POLR1A: variants seen among roughly 807,000 people sequenced by gnomAD.
POLR1A encodes the protein DNA-directed RNA polymerase I subunit RPA1.
Under a neutral mutation model 205.3 loss-of-function variants are expected in POLR1A, and 84 were observed. The observed-to-expected ratio is 0.41, with a 90% CI of 0.34 to 0.49. The LOEUF (loss-of-function observed/expected upper bound fraction) is 0.49, where lower values mean the gene tolerates loss of function less well. Ranked by LOEUF, POLR1A falls within the 20% of genes least tolerant of loss-of-function variation. POLR1A has a pLI of 0.22. For synonymous variants in POLR1A, 799 were observed against 863.7 expected, an observed-to-expected ratio of 0.93 and a Z score of 1.31; for missense variants, 1,645 against 2,204.5, an observed-to-expected ratio of 0.75 and a Z score of 5.08.
At chr2:86,061,906 G>A (rs1476756118) in intron 14 of POLR1A, among the ~76,000 whole-genome samples, 12 of 152,142 alleles carry the variant, frequency 7.9e-5, no homozygotes, top group Non-Finnish European at 1.2e-4. Flanking sequence ...CTGGGTGAGA[G>A]TTTGCAAAGA....
chr2:86,076,317 C>A (rs746002644), intron 11 of POLR1A, among the ~76,000 whole-genome samples: 2 of 152,228 alleles, frequency 1.3e-5, no homozygotes, highest in African/African-American at 4.8e-5. Context: ...CCAGCCTCTG[C>A]GTTCCTCAGC....
chr2:86,097,563 A>G (rs1287585112), intron 3 of POLR1A, among the ~76,000 whole-genome samples: 1 of 152,232 alleles, frequency 6.6e-6, no homozygotes, highest in Non-Finnish European at 1.5e-5. Context: ...ATTTGGCCAT[A>G]ATAAAGCATG....
chr2:86,030,288 G>A lies in POLR1A; in HGVS notation c.4687C>T (p.Leu1563Phe). ...TTATTGTTGGTTGTTTCATTCAGGA[G>A]GCACCGAGTGATGCCCTTGGTCGCA... ...IYATKGITRC[L>F]LNETTNNKNE... is the part of the protein sequence containing the mutation. Residue 1563 changes from leucine to phenylalanine, a missense_variant, in exon 31 of 34, where the codon CTC becomes TTC. By Grantham distance (22) the Leu-to-Phe change is conservative. Coordinates refer to ENST00000263857, the MANE Select transcript of POLR1A (RefSeq NM_015425.6). 6.2e-7 allele frequency: 1 copy of A among 1,614,156 alleles called. No homozygotes were observed. Among genetic ancestry groups the A allele is most frequent in the Non-Finnish European group, 8.5e-7 (1 of 1,179,974 alleles).
chr2:86,063,679 G>T (rs983222416), intron 14 of POLR1A, among the ~76,000 whole-genome samples: 4 of 152,164 alleles, frequency 2.6e-5, no homozygotes, highest in Admixed American at 2.6e-4. Context: ...ACCAAGGAAG[G>T]TTTATCCAGG....
chr2:86,044,475 T>C, intron 21 of POLR1A, 171 bp from the exon 22 acceptor site: 1 of 648,764 alleles, frequency 1.5e-6, no homozygotes, highest in Non-Finnish European at 2.6e-6. Flanking sequence ...CTTGCTCCAG[T>C]GTCCCCCAGC....
At chr2:86,094,672 C>A (rs1034916545) in intron 3 of POLR1A, among the ~76,000 whole-genome samples, 3 of 152,250 alleles carry the variant, frequency 2.0e-5, no homozygotes, top group African/African-American at 7.2e-5. Context: ...TTTAACAATA[C>A]AGGATTAATT....
chr2:86,028,710 A>C lies in POLR1A; in HGVS notation c.4781T>G (p.Val1594Gly). Reference sequence around the variant, plus strand: ...GGAGTAGAGGCGGCGCAGATCCAGGACCTGGAGAGAGGAAGGAAGGGATTT... The same window carrying C: ...GGAGTAGAGGCGGCGCAGATCCAGGCCCTGGAGAGAGGAAGGAAGGGATTT... ...NLPELFKYAE[V>G]LDLRRLYSND... Residue 1594 changes from valine (V) to glycine (G), a missense_variant and splice_region_variant, in exon 32 of 34, where the codon GTC becomes GGC. Val to Gly is a moderately radical substitution (Grantham distance 109, BLOSUM62 -3). Coordinates refer to ENST00000263857, the MANE Select transcript of POLR1A (RefSeq NM_015425.6). The surrounding 1 kb of genome is among the most constrained non-coding windows in gnomAD (Gnocchi z 4.5). 6.2e-7 allele frequency: 1 copy of C among 1,611,314 alleles called. No homozygotes were observed.
intron 31 of POLR1A, 150 bp downstream of exon 31, chr2:86,030,046 C>T (rs1351549393): frequency 1.5e-6 from 1 of 666,632 alleles, no homozygotes. Flanking sequence ...GACACGCACA[C>T]TTGGTTTGGG....
At chr2:86,034,502 C>G (rs1248990190) in intron 27 of POLR1A, among the ~76,000 whole-genome samples, 1 of 152,226 alleles carries the variant, frequency 6.6e-6, no homozygotes, top group African/African-American at 2.4e-5. Context: ...TGGCCCCCTG[C>G]CACTTCCTCC....
At chr2:86,090,032 A>C (rs1673573941) in intron 3 of POLR1A, 103 bp from the exon 4 acceptor site, 1 of 654,858 alleles carries the variant, frequency 1.5e-6, no homozygotes, top group African/African-American at 1.8e-5. Flanking sequence ...ATTCATTTGA[A>C]GGGAGAAAAA....
intron 8 of POLR1A, 101 bp downstream of exon 8, chr2:86,081,500 G>T (rs1169774611): frequency 1.4e-6 from 1 of 692,670 alleles, no homozygotes; most frequent in Non-Finnish European, 2.5e-6. Flanking sequence ...CTGCAGCTTT[G>T]TCTCTCAGTG....
intron 27 of POLR1A, among the ~76,000 whole-genome samples, chr2:86,038,248 C>A (rs977461419): frequency 1.1e-4 from 17 of 152,360 alleles, no homozygotes; most frequent in Non-Finnish European, 1.0e-4. Flanking sequence ...AGCAGCGTGC[C>A]ACCCGCACAT....
intron 26 of POLR1A, 21 bp downstream of exon 26, chr2:86,039,306 C>A (rs1231476804): frequency 3.1e-6 from 5 of 1,612,934 alleles, no homozygotes; most frequent in Admixed American, 3.3e-5. Flanking sequence ...CCGTCTGCAA[C>A]CTGGGAAGGA....
chr2:86,069,813 T>G (rs1368489502), intron 13 of POLR1A, among the ~76,000 whole-genome samples: 1 of 152,174 alleles, frequency 6.6e-6, no homozygotes, highest in Non-Finnish European at 1.5e-5. Context: ...TGATTTACAT[T>G]TTACAACGCA....
chr2:86,078,398 T>C, intron 9 of POLR1A, 114 bp from the exon 10 acceptor site: 1 of 747,332 alleles, frequency 1.3e-6, no homozygotes, highest in South Asian at 1.9e-5. Context: ...CTGGAGTTTA[T>C]CTCCTCTGAA....
At chr2:86,063,335 CAAAAAAAAAAAAAA>C (rs34298205) in intron 14 of POLR1A, among the ~76,000 whole-genome samples, 505 of 41,292 alleles carry the variant, frequency 0.012, 10 homozygotes, top group African/African-American at 0.042. Context: ...AACTCCATCT[CAAAAAAAAAAAAAA>C]AAAAAAAAAA....
chr2:86,079,115 G>A (rs1673349377), intron 9 of POLR1A, among the ~76,000 whole-genome samples: 1 of 152,226 alleles, frequency 6.6e-6, no homozygotes, highest in Non-Finnish European at 1.5e-5. Flanking sequence ...TGAAGATTCA[G>A]TAAACGAGAA....
chr2:86,084,917 C>A (rs1176254202), intron 6 of POLR1A, among the ~76,000 whole-genome samples: 2 of 152,042 alleles, frequency 1.3e-5, no homozygotes, highest in Non-Finnish European at 2.9e-5. Context: ...AACAAATGCA[C>A]CATAATTTAA....
At chr2:86,078,344 G>A (rs1273583849) in intron 9 of POLR1A, 60 bp from the exon 10 acceptor site, 30 of 1,388,458 alleles carry the variant, frequency 2.2e-5, no homozygotes, top group Non-Finnish European at 2.8e-5. Context: ...GGCCTGGCTT[G>A]ATTTAATTTT....
Sources: gnomAD v4.1 joint callset for allele counts (sites outside exome capture counted in the v4.1 genomes callset) on GRCh38, gnomAD v4.1.1 for gene constraint, Gnocchi (gnomAD v3.1) non-coding constraint, MANE v1.5 for transcripts, NCBI Gene and HGNC (gene_info 2026-07-23, HGNC 2026-07-21) for gene names.